PIWIL3: variants seen among roughly 807,000 people sequenced by gnomAD.
PIWIL3 encodes the protein piwi-like protein 3.
PIWIL3 carries 101 observed loss-of-function variants against 109.7 expected under a neutral mutation model. The observed-to-expected ratio is 0.92, with a 90% CI of 0.78 to 1.09. The LOEUF (loss-of-function observed/expected upper bound fraction) is 1.09, where lower values mean the gene tolerates loss of function less well. Ranked by LOEUF, PIWIL3 falls within the 50% of genes least tolerant of loss-of-function variation. PIWIL3 has a pLI of 0.00. For missense variants in PIWIL3, 1,031 were observed against 1,072.6 expected, an observed-to-expected ratio of 0.96 and a Z score of 0.54; for synonymous variants, 373 against 376.4, an observed-to-expected ratio of 0.99 and a Z score of 0.10.
At chr22:24,768,529 G>C (rs1035652381) in intron 1 of PIWIL3, among the ~76,000 whole-genome samples, 3 of 152,156 alleles carry the variant, frequency 2.0e-5, no homozygotes, top group Non-Finnish European at 4.4e-5. Flanking sequence ...TGGGATTACA[G>C]GCGTGAGCCC....
Position 24,755,886 on chromosome 22 carries a change from G to T in PIWIL3, c.590C>A (p.Thr197Lys). Residue 197 changes from threonine to lysine, a missense_variant, in exon 6 of 21, where the codon ACA becomes AAA. Transcript: ENST00000616349. ...CTTCACGATGTTTTTGTCTTTGGTT[G>T]TGCTCAACCATTCCACTCTCTGAGA... ...LKERRVEWLS[T>K]TKDKNIVKIT... 6.2e-7 allele frequency: 1 copy of T among 1,613,458 alleles called. No homozygotes were observed. The highest frequency in any genetic ancestry group is 8.5e-7 in the Non-Finnish European group (1 of 1,179,740).
chr22:24,728,471 C>G, intron 14 of PIWIL3, 97 bp from the exon 15 acceptor site: 1 of 1,404,820 alleles, frequency 7.1e-7, no homozygotes, highest in Admixed American at 1.8e-5. Context: ...GGAAGACTAA[C>G]AAGCTAGAGT....
At chr22:24,735,617 A>G (rs773308127) in intron 13 of PIWIL3, 91 bp downstream of exon 13, 215 of 1,279,180 alleles carry the variant, frequency 1.7e-4, no homozygotes, top group Non-Finnish European at 2.2e-4. Context: ...GTTTTGATAC[A>G]GTGACCAATT....
chr22:24,758,315 A>G (rs1046555665), intron 3 of PIWIL3, among the ~76,000 whole-genome samples: 2 of 152,230 alleles, frequency 1.3e-5, no homozygotes, highest in Non-Finnish European at 2.9e-5. Context: ...ACAAGATTCT[A>G]GAAACTTTGG....
intron 3 of PIWIL3, 147 bp from the exon 4 acceptor site, chr22:24,758,186 G>C: frequency 1.0e-6 from 1 of 1,004,212 alleles, no homozygotes; most frequent in Non-Finnish European, 1.4e-6. Context: ...TGCCGCAAAA[G>C]CGTAACCTTA....
At chr22:24,724,163 C>T (rs1431671660) in intron 18 of PIWIL3, among the ~76,000 whole-genome samples, 1 of 152,122 alleles carries the variant, frequency 6.6e-6, no homozygotes, top group Non-Finnish European at 1.5e-5. Flanking sequence ...CCCGGCGCTC[C>T]CCCACCCATC....
intron 9 of PIWIL3, 119 bp downstream of exon 9, chr22:24,751,268 C>A: frequency 9.7e-7 from 1 of 1,033,478 alleles, no homozygotes; most frequent in Non-Finnish European, 1.4e-6. Context: ...AAGCTATAAT[C>A]CCCTAAAAGG....
intron 1 of PIWIL3, among the ~76,000 whole-genome samples, 170 bp from the exon 2 acceptor site, chr22:24,762,691 A>C (rs1051571472): frequency 6.6e-6 from 1 of 152,166 alleles, no homozygotes; most frequent in Non-Finnish European, 1.5e-5. Flanking sequence ...CCATCTGGTG[A>C]GGGTCTCATG....
intron 6 of PIWIL3, among the ~76,000 whole-genome samples, chr22:24,755,218 G>C (rs1366575975): frequency 2.6e-5 from 4 of 152,132 alleles, no homozygotes; most frequent in South Asian, 4.1e-4. Context: ...CACCTCCTGG[G>C]ACCAAGTGAT....
At chr22:24,744,197 A>AC (rs1039240927) in intron 12 of PIWIL3, among the ~76,000 whole-genome samples, 9 of 148,498 alleles carry the variant, frequency 6.1e-5, no homozygotes, top group African/African-American at 9.8e-5. Flanking sequence ...AAAAAAAAAA[A>AC]AAAAAAAAAA....
chr22:24,762,581 AG>A, intron 1 of PIWIL3, 60 bp from the exon 2 acceptor site: 1 of 1,354,160 alleles, frequency 7.4e-7, no homozygotes, highest in Non-Finnish European at 1.0e-6. Flanking sequence ...TACTCTCTTT[AG>A]GGTTGCTACA....
chr22:24,732,551 C>CG (rs1202805724), intron 14 of PIWIL3, among the ~76,000 whole-genome samples: 4 of 152,088 alleles, frequency 2.6e-5, no homozygotes, highest in Non-Finnish European at 5.9e-5. Context: ...AGGCCGGGTG[C>CG]GGTGGCTCAC....
chr22:24,755,933 A>G (rs1300653303), intron 5 of PIWIL3, 28 bp from the exon 6 acceptor site: 1 of 1,512,204 alleles, frequency 6.6e-7, no homozygotes. Flanking sequence ...CAAAAAAAAA[A>G]GTCCAGATAT....
At chr22:24,731,068 A>G (rs1430073757) in intron 14 of PIWIL3, among the ~76,000 whole-genome samples, 1 of 152,210 alleles carries the variant, frequency 6.6e-6, no homozygotes, top group Non-Finnish European at 1.5e-5. Flanking sequence ...AAGCCCACCA[A>G]GAGTTTTGCC....
intron 1 of PIWIL3, among the ~76,000 whole-genome samples, chr22:24,766,668 ACAGTTACATC>A (rs1925815909): frequency 6.6e-6 from 1 of 152,224 alleles, no homozygotes; most frequent in Non-Finnish European, 1.5e-5. Flanking sequence ...ATATTTTATC[ACAGTTACATC>A]CAGATCCTTG....
At position 24,727,981 on chromosome 22, in the gene PIWIL3, A is replaced by G. The variant is rs890931506; in HGVS notation, c.1978T>C (p.Phe660Leu). 3 of 1,613,758 alleles carry G rather than the reference A, an allele frequency of 1.9e-6. No homozygotes were observed. Among genetic ancestry groups the G allele is most frequent in the Non-Finnish European group, 2.5e-6 (3 of 1,179,942 alleles). The change falls in exon 16 of 21, where the codon TTT becomes CTT. Residue 660 changes from phenylalanine to leucine, a missense_variant. Transcript: ENST00000616349. ...IVNRQKSIAG[F>L]VASTNAELTK... ...AATTCAGCATTGGTACTTGCAACAA[A>G]TCCTGCTATTGATTTCTGTCGATTT...
intron 3 of PIWIL3, among the ~76,000 whole-genome samples, chr22:24,758,750 AACT>A (rs1925242172): frequency 6.6e-6 from 1 of 152,220 alleles, no homozygotes; most frequent in African/African-American, 2.4e-5. Flanking sequence ...GTGACAGACT[AACT>A]ACATTTTACA....
chr22:24,770,563 C>T (rs1286422995), intron 1 of PIWIL3, among the ~76,000 whole-genome samples: 1 of 151,088 alleles, frequency 6.6e-6, no homozygotes, highest in Non-Finnish European at 1.5e-5. Context: ...TGGCTCATGC[C>T]TGTAATCTCA....
chr22:24,757,615 T>TACAC lies in PIWIL3; in HGVS notation c.355+289_355+292dup, dbSNP rs139481317. 1.9e-3 allele frequency among the ~76,000 whole-genome samples: 151 copies of TACAC among 79,302 alleles called. 3 individuals carry two copies. Among genetic ancestry groups the TACAC allele is most frequent in the African/African-American group, 3.3e-3 (70 of 21,008 alleles). 52.0% of individuals were successfully genotyped at this position (79,302 alleles called of 152,430 possible). A position where few individuals can be genotyped will look rare whatever the true frequency, so the allele number is the denominator to read the frequency against. On this transcript the variant is annotated intron_variant, in intron 4 of 20. Transcript: ENST00000616349. ...AGACCGTGTCTCTACAAAATTTACA[T>TACAC]ACACACACACACACACACACACATA...
Sources: gnomAD v4.1 joint callset for allele counts (sites outside exome capture counted in the v4.1 genomes callset) on GRCh38, gnomAD v4.1.1 for gene constraint, MANE v1.5 for transcripts, NCBI Gene and HGNC (gene_info 2026-07-23, HGNC 2026-07-21) for gene names.